Variants in AMPH observed in about 807,000 individuals in gnomAD.
AMPH encodes the protein amphiphysin (Stiff-Mann syndrome with breast cancer 128kD autoantigen).
Under a neutral mutation model 99.1 loss-of-function variants are expected in AMPH, and 49 were observed. That is an observed-to-expected ratio of 0.49 (90% CI 0.39 to 0.63). The LOEUF (loss-of-function observed/expected upper bound fraction) is 0.63, where lower values mean the gene tolerates loss of function less well. Among genes scored for constraint, AMPH ranks in the 20% least tolerant of loss-of-function variants. The probability of loss-of-function intolerance (pLI) is 0.00; values close to 1 mark genes in which losing one functional copy is unlikely to be tolerated. For synonymous variants in AMPH, 314 were observed against 317.3 expected, an observed-to-expected ratio of 0.99 and a Z score of 0.11; for missense variants, 759 against 863.4, an observed-to-expected ratio of 0.88 and a Z score of 1.52.
chr7:38,564,940 C>T (rs944624369), intron 1 of AMPH, among the ~76,000 whole-genome samples: 10 of 152,034 alleles, frequency 6.6e-5, no homozygotes, highest in East Asian at 5.8e-4. Context: ...CTGGCTAACA[C>T]GGTGAAACCC....
At chr7:38,427,732 G>A (rs541135155) in intron 14 of AMPH, 1 of 361,016 alleles carries the variant, frequency 2.8e-6, no homozygotes, top group Admixed American at 3.6e-5. Flanking sequence ...GAGAGATCAG[G>A]CCTCCTAGAA....
chr7:38,529,751 A>G (rs891569776), intron 2 of AMPH, among the ~76,000 whole-genome samples: 1 of 152,220 alleles, frequency 6.6e-6, no homozygotes, highest in Non-Finnish European at 1.5e-5. Flanking sequence ...ATTAATATTT[A>G]ATGAAAGGTA....
intron 2 of AMPH, among the ~76,000 whole-genome samples, chr7:38,519,095 C>T (rs1389983132): frequency 2.0e-5 from 3 of 152,236 alleles, no homozygotes; most frequent in Non-Finnish European, 2.9e-5. Flanking sequence ...CTTGCTTCTA[C>T]TTTCCACCCA....
At chr7:38,510,847 C>A (rs1279883778) in intron 2 of AMPH, among the ~76,000 whole-genome samples, 1 of 152,152 alleles carries the variant, frequency 6.6e-6, no homozygotes, top group East Asian at 1.9e-4. Flanking sequence ...TCTCAGGATA[C>A]AGTCCTCATC....
chr7:38,392,540 C>G (rs112669302), intron 18 of AMPH: 1 of 153,248 alleles, frequency 6.5e-6, no homozygotes, highest in Non-Finnish European at 1.4e-5. Flanking sequence ...ACACCTGCCA[C>G]CACGCCCAGC....
intron 1 of AMPH, among the ~76,000 whole-genome samples, chr7:38,621,841 C>T (rs539888266): frequency 2.6e-5 from 4 of 152,222 alleles, no homozygotes; most frequent in Admixed American, 6.5e-5. Flanking sequence ...TGGCTTTATA[C>T]GACATCATTC....
chr7:38,420,258 A>G (rs1479426270), intron 16 of AMPH, among the ~76,000 whole-genome samples: 1 of 152,248 alleles, frequency 6.6e-6, no homozygotes, highest in Non-Finnish European at 1.5e-5. Flanking sequence ...CTATTCCAAG[A>G]TAATGTAAAA....
At chr7:38,435,271 T>C (rs1284604872) in intron 12 of AMPH, among the ~76,000 whole-genome samples, 1 of 152,176 alleles carries the variant, frequency 6.6e-6, no homozygotes, top group Non-Finnish European at 1.5e-5. Context: ...CCAATCACAT[T>C]CTAGAAAAAA....
At chr7:38,597,786 C>T (rs2195913) in intron 1 of AMPH, among the ~76,000 whole-genome samples, 30,739 of 152,070 alleles carry the variant, frequency 0.2, 3,293 homozygotes, top group Admixed American at 0.27. Context: ...TTGAAAATAG[C>T]TTTATCTTTC....
chr7:38,463,131 A>G lies in AMPH; in HGVS notation c.750-18T>C, dbSNP rs199662269. ...CCGAATCACTAGAGGAACACAGGGG[A>G]TTGGGCAAGGGGCCTTCTCAAGAAC... On this transcript the variant is annotated intron_variant, in intron 9 of 20. Transcript: ENST00000356264. 2,398 of 1,613,814 alleles carry G rather than the reference A, an allele frequency of 1.5e-3. 3 individuals carry two copies. Among genetic ancestry groups the G allele is most frequent in the Non-Finnish European group, 1.9e-3 (2,263 of 1,179,832 alleles).
chr7:38,595,747 C>T (rs1202958303), intron 1 of AMPH, among the ~76,000 whole-genome samples: 1 of 152,186 alleles, frequency 6.6e-6, no homozygotes, highest in African/African-American at 2.4e-5. Flanking sequence ...TTCCCAGCGT[C>T]TACTGCTCCC....
At chr7:38,618,950 A>C (rs1304510846) in intron 1 of AMPH, among the ~76,000 whole-genome samples, 1 of 152,254 alleles carries the variant, frequency 6.6e-6, no homozygotes, top group East Asian at 1.9e-4. Context: ...AAATTGATCC[A>C]AAAAATCTAA....
intron 2 of AMPH, among the ~76,000 whole-genome samples, chr7:38,506,508 G>C (rs1237700298): frequency 6.6e-6 from 1 of 152,098 alleles, no homozygotes; most frequent in African/African-American, 2.4e-5. Context: ...TAATTTAAGA[G>C]AGAATAATAT....
chr7:38,406,430 G>T (rs1487561034), intron 17 of AMPH, among the ~76,000 whole-genome samples: 1 of 152,096 alleles, frequency 6.6e-6, no homozygotes, highest in Non-Finnish European at 1.5e-5. Context: ...AAAACAGAAA[G>T]CTGGTTATTT....
At chr7:38,629,045 T>C (rs1237047563) in intron 1 of AMPH, among the ~76,000 whole-genome samples, 2 of 152,280 alleles carry the variant, frequency 1.3e-5, no homozygotes, top group Non-Finnish European at 2.9e-5. Flanking sequence ...CAGGGACATA[T>C]ATGGTCTATA....
intron 1 of AMPH, among the ~76,000 whole-genome samples, chr7:38,589,662 T>C (rs1009300859): frequency 6.6e-6 from 1 of 152,238 alleles, no homozygotes; most frequent in Non-Finnish European, 1.5e-5. Flanking sequence ...ATTAAAATTA[T>C]ATCTCTAAGA....
Position 38,384,664 on chromosome 7 carries a change from T to G in AMPH, c.*154A>C. The G allele has an allele frequency of 1.7e-6, 1 of 599,008 alleles. No homozygotes were observed. 37.1% of individuals were successfully genotyped at this position (599,008 alleles called of 1,614,324 possible). A position where few individuals can be genotyped will look rare whatever the true frequency, so the allele number is the denominator to read the frequency against. On this transcript the variant is annotated 3_prime_UTR_variant, in exon 21 of 21. Transcript: ENST00000356264. ...ATTTACTTTTTTTCCTCTTACATTT[T>G]TTTGCACACATGCTCCATTGATACA...
rs13221150 is a variant in AMPH at position 38,525,260 on chromosome 7, A to G, written c.150+9671T>C. On this transcript the variant is annotated intron_variant, in intron 2 of 20. Transcript: ENST00000356264. ...TATATGTAGTTGTGTGTGTGTGTGT[A>G]TATATATATATATATATAGAGAGAG... Among the ~76,000 whole-genome samples, 597 of 85,482 alleles carry G rather than the reference A, an allele frequency of 7.0e-3. 5 individuals carry two copies. The highest frequency in any genetic ancestry group is 8.0e-3 in the Non-Finnish European group (355 of 44,582). The allele number at this position is 85,482 out of a possible 152,430, so 56.1% of individuals were successfully genotyped here.
intron 6 of AMPH, 24 bp downstream of exon 6, chr7:38,476,838 A>G (rs775504041): frequency 2.6e-6 from 4 of 1,563,896 alleles, no homozygotes; most frequent in Non-Finnish European, 3.5e-6. Context: ...GGAGAGTGGT[A>G]TTCACCATGG....
Sources: allele counts gnomAD v4.1 joint callset (sites outside exome capture counted in the v4.1 genomes callset), GRCh38; gene constraint gnomAD v4.1.1; transcripts MANE v1.5; gene names NCBI Gene and HGNC (gene_info 2026-07-23, HGNC 2026-07-21).